Variants in TMEM131L observed in about 807,000 individuals in gnomAD.
The protein encoded by TMEM131L is transmembrane protein 131-like.
Under a neutral mutation model 192.2 loss-of-function variants are expected in TMEM131L, and 54 were observed. The ratio of observed to expected loss-of-function variants is 0.28; its 90% CI spans 0.23 to 0.35. TMEM131L has a LOEUF of 0.35. TMEM131L is among the 10% of genes least tolerant of loss of function. The probability of loss-of-function intolerance (pLI) is 1.00; values close to 1 mark genes in which losing one functional copy is unlikely to be tolerated. For missense variants in TMEM131L, 1,888 were observed against 1,972.9 expected (o/e 0.96, Z 0.82); for synonymous variants, 701 against 704.9 (o/e 0.99, Z 0.09).
chr4:153,602,421 A>G, intron 22 of TMEM131L, 83 bp downstream of exon 22: 2 of 1,532,526 alleles, frequency 1.3e-6, no homozygotes, highest in Non-Finnish European at 1.8e-6. Context: ...TTGTTAAGAC[A>G]TCTTATGTTG....
In TMEM131L at chr4:153,479,519, T is replaced by A. The variant is rs552186972; in HGVS notation, c.239+5631T>A. Among the ~76,000 whole-genome samples, 11 of 152,300 alleles carry A rather than the reference T, an allele frequency of 7.2e-5. No homozygotes were observed. In the South Asian group the frequency reaches 2.3e-3, roughly 32 times the overall value. ...TATATCTCTCTCTGGTAAGCCTTTTTTTGAGTTATATTTGAATAGCAGAAG... is the reference window on the plus strand; with the variant it reads ...TATATCTCTCTCTGGTAAGCCTTTTATTGAGTTATATTTGAATAGCAGAAG... On this transcript the variant is annotated intron_variant, in intron 3 of 34. Transcript: ENST00000409959.
At position 153,489,715 on chromosome 4, in the gene TMEM131L, G is replaced by A. The variant is rs144495514; in HGVS notation, c.239+15827G>A. On this transcript the variant is annotated intron_variant, in intron 3 of 34. Transcript: ENST00000409959. Reference sequence around the variant, plus strand: ...CTGGTCTCAAACTCCTGACCTCATGGTCCACCCACCTTGGCCTCCCAAAGT... The same window carrying A: ...CTGGTCTCAAACTCCTGACCTCATGATCCACCCACCTTGGCCTCCCAAAGT... Among the ~76,000 whole-genome samples, 507 of 152,116 alleles carry A rather than the reference G, an allele frequency of 3.3e-3. 2 individuals are homozygous for A. The highest frequency in any genetic ancestry group is 0.011 in the African/African-American group (469 of 41,496).
intron 19 of TMEM131L, 108 bp downstream of exon 19, chr4:153,593,979 C>T: frequency 1.4e-6 from 1 of 738,478 alleles, no homozygotes; most frequent in Non-Finnish European, 2.3e-6. Context: ...CTATATATGG[C>T]TCTTTTATTT....
At position 153,567,263 on chromosome 4, in the gene TMEM131L, CT is replaced by C. The variant is rs1729274775; in HGVS notation, c.660+8896del. Among the ~76,000 whole-genome samples, 6 of 152,170 alleles carry C rather than the reference CT, an allele frequency of 3.9e-5. No individual in the cohort carries two copies. In the South Asian group the frequency reaches 1.2e-3, roughly 31 times the overall value. On this transcript the variant is annotated intron_variant, in intron 7 of 34. Coordinates refer to ENST00000409959, the MANE Select transcript of TMEM131L (RefSeq NM_001131007.2). ...AGAGAAAGGTTAAGGGTCTTTAGAG[CT>C]GTCCCATTTTCCTGATAGTCTTACA...
chr4:153,506,595 C>A lies in TMEM131L; in HGVS notation c.239+32707C>A, dbSNP rs543913066. 3.8e-3 allele frequency among the ~76,000 whole-genome samples: 584 copies of A among 152,112 alleles called. 9 individuals carry two copies. Among genetic ancestry groups the A allele is most frequent in the South Asian group, 0.026 (127 of 4,834 alleles). On this transcript the variant is annotated intron_variant, in intron 3 of 34. Transcript: ENST00000409959. Reference sequence around the variant, plus strand: ...CGGTGGCTCATGCCTGTAATCCCAGCGCTTTGAGAGGCCAAGGGGGGGACT... The same window carrying A: ...CGGTGGCTCATGCCTGTAATCCCAGAGCTTTGAGAGGCCAAGGGGGGGACT...
In TMEM131L at chr4:153,550,078, C is replaced by T. The variant is rs1381430212; in HGVS notation, c.245C>T (p.Ser82Leu). ...CCTCTCTTTTCTTTTTTTAGCTTCT[C>T]GGACAAACTATTTAGTGGAAAAGGC... is the stretch of plus-strand genomic sequence containing the variant. ...LEEPSQEQSF[S>L]DKLFSGKGLH... The change falls in exon 4 of 35, where the codon TCG (serine) becomes TTG (leucine). Residue 82 changes from serine (S) to leucine (L), a missense_variant. Physicochemically the swap from Ser to Leu is moderately radical, Grantham distance 145 (BLOSUM62 -2). Transcript: ENST00000409959. 9 of 1,473,818 alleles carry T rather than the reference C, an allele frequency of 6.1e-6. No homozygotes were observed. The highest frequency in any genetic ancestry group is 8.2e-6 in the Non-Finnish European group (9 of 1,100,594). The allele number at this position is 1,473,818 out of a possible 1,614,324, so 91.3% of individuals were successfully genotyped here. A position where few individuals can be genotyped will look rare whatever the true frequency, so the allele number is the denominator to read the frequency against.
At chr4:153,608,991 C>G (rs1303508203) in intron 25 of TMEM131L, among the ~76,000 whole-genome samples, 8 of 151,978 alleles carry the variant, frequency 5.3e-5, no homozygotes, top group Non-Finnish European at 8.8e-5. Context: ...TCTCCTGCCC[C>G]CTTTATTATT....
At chr4:153,574,638 A>G (rs1054332383) in intron 7 of TMEM131L, among the ~76,000 whole-genome samples, 2 of 152,186 alleles carry the variant, frequency 1.3e-5, no homozygotes, top group Non-Finnish European at 2.9e-5. Context: ...GGACTCTGTT[A>G]CCCAGGCTGG....
intron 3 of TMEM131L, among the ~76,000 whole-genome samples, chr4:153,505,998 A>G (rs1733958330): frequency 6.6e-6 from 1 of 152,176 alleles, no homozygotes; most frequent in Non-Finnish European, 1.5e-5. Flanking sequence ...TGAAATTACA[A>G]CTTTTTCATG....
rs773478069 is a variant in TMEM131L at position 153,612,379 on chromosome 4, A to G, written c.3546A>G (p.Lys1182=). 6.3e-7 allele frequency: 1 copy of G among 1,595,512 alleles called. No individual in the cohort carries two copies. Among genetic ancestry groups the G allele is most frequent in the African/African-American group, 1.3e-5 (1 of 74,116 alleles). The part of the protein sequence containing the change: ...KTSREDMFSE[K]QDIPFVEQED... ...CTAGAGAAGACATGTTTTCTGAGAA[A>G]CAGGACATACCTTTCGTAGAGGTCT... Residue 1182 remains lysine, a synonymous_variant, in exon 26 of 35, where the codon AAA becomes AAG. Transcript: ENST00000409959.
intron 3 of TMEM131L, among the ~76,000 whole-genome samples, chr4:153,474,977 A>T (rs752491454): frequency 1.3e-5 from 2 of 149,624 alleles, no homozygotes; most frequent in Non-Finnish European, 2.9e-5. Flanking sequence ...ACTTGCAAGG[A>T]CTACGCTTCC....
intron 3 of TMEM131L, among the ~76,000 whole-genome samples, chr4:153,477,610 T>A (rs1042826095): frequency 2.0e-5 from 3 of 152,044 alleles, no homozygotes; most frequent in South Asian, 2.1e-4. Flanking sequence ...AAAAAAAAAA[T>A]TTTACATCAT....
intron 20 of TMEM131L, among the ~76,000 whole-genome samples, chr4:153,597,232 GTTTCTTTTTTTGTTTATTAATTTT>G (rs1238179559): frequency 6.7e-6 from 1 of 149,822 alleles, no homozygotes; most frequent in Non-Finnish European, 1.5e-5. Flanking sequence ...TTGACTTAGT[GTTTCTTTTTTTGTTTATTAATTTT>G]TTTCTTTTTT....
At chr4:153,623,173 A>G in intron 29 of TMEM131L, 90 bp downstream of exon 29, 1 of 1,193,178 alleles carries the variant, frequency 8.4e-7, no homozygotes, top group Non-Finnish European at 1.1e-6. Flanking sequence ...ATCTGCCTTC[A>G]GGAGTGCAGA....
In TMEM131L at chr4:153,557,004, T is replaced by A. The variant is rs752650890; in HGVS notation, c.471T>A (p.Ile157=). The A allele has an allele frequency of 6.2e-7, 1 of 1,602,748 alleles. No homozygotes were observed. The highest frequency in any genetic ancestry group is 1.3e-5 in the African/African-American group (1 of 74,554). Reference sequence around the variant, plus strand: ...TGGGGAAAACTTCCTTCAGAATTATTTTCTTACCTACTGAAGAAGGAAGCA... The same window carrying A: ...TGGGGAAAACTTCCTTCAGAATTATATTCTTACCTACTGAAGAAGGAAGCA... The part of the protein sequence containing the change: ...PAMGKTSFRI[I]FLPTEEGSIE... Residue 157 remains isoleucine (I), a synonymous_variant, in exon 6 of 35, where the codon ATT becomes ATA. Transcript: ENST00000409959.
intron 25 of TMEM131L, among the ~76,000 whole-genome samples, chr4:153,606,894 T>C (rs551058937): frequency 1.3e-5 from 2 of 152,346 alleles, no homozygotes; most frequent in African/African-American, 4.8e-5. Context: ...TCTACGTGTC[T>C]GCAGAAGTTA....
At chr4:153,586,187 C>T in intron 13 of TMEM131L, 22 bp from the exon 14 acceptor site, 1 of 1,517,908 alleles carries the variant, frequency 6.6e-7, no homozygotes, top group Non-Finnish European at 8.8e-7. Context: ...AAAGTAATTT[C>T]TCTTGCTTCT....
At chr4:153,615,711 G>GC (rs1732928102) in intron 26 of TMEM131L, among the ~76,000 whole-genome samples, 1 of 152,166 alleles carries the variant, frequency 6.6e-6, no homozygotes, top group African/African-American at 2.4e-5. Context: ...AACTGATGCT[G>GC]CCATGCACTG....
At chr4:153,511,718 A>T (rs1734371311) in intron 3 of TMEM131L, among the ~76,000 whole-genome samples, 1 of 152,216 alleles carries the variant, frequency 6.6e-6, no homozygotes, top group African/African-American at 2.4e-5. Context: ...ATAAGAACTA[A>T]ACAAAATAAT....
Sources: gnomAD v4.1 joint callset for allele counts (sites outside exome capture counted in the v4.1 genomes callset) on GRCh38, gnomAD v4.1.1 for gene constraint, MANE v1.5 for transcripts, NCBI Gene and HGNC (gene_info 2026-07-23, HGNC 2026-07-21) for gene names.